KCND2: variants seen among roughly 807,000 people sequenced by gnomAD.
The protein encoded by KCND2 is A-type voltage-gated potassium channel KCND2.
Under a neutral mutation model 54.4 loss-of-function variants are expected in KCND2, and 16 were observed. The ratio of observed to expected loss-of-function variants is 0.29; its 90% CI spans 0.20 to 0.45. The LOEUF is 0.45. KCND2 is among the 20% of genes least tolerant of loss of function. The pLI is 1.00. For synonymous variants in KCND2, 317 were observed against 310.7 expected, an observed-to-expected ratio of 1.02 and a Z score of -0.21; for missense variants, 486 against 824.2, an observed-to-expected ratio of 0.59 and a Z score of 5.02.
chr7:120,472,831 G>A (rs1802478525), intron 1 of KCND2, among the ~76,000 whole-genome samples: 1 of 152,178 alleles, frequency 6.6e-6, no homozygotes, highest in South Asian at 2.1e-4. Context: ...AAGACATATA[G>A]GAACGGCTCC....
In KCND2 at chr7:120,686,955, A is replaced by C. The variant is rs530068335; in HGVS notation, c.1116-45948A>C. 2.0e-5 allele frequency among the ~76,000 whole-genome samples: 3 copies of C among 152,220 alleles called. No homozygotes were observed. In the South Asian group the frequency reaches 6.2e-4, roughly 32 times the overall value. On this transcript the variant is annotated intron_variant, in intron 1 of 5. Coordinates refer to ENST00000331113, the MANE Select transcript of KCND2 (RefSeq NM_012281.3). ...TTGGCACCGGTTGTGAACAATTATT[A>C]TTTTAGAGAGATAGCATAACAACCA...
chr7:120,302,807 A>G (rs893252598), intron 1 of KCND2, among the ~76,000 whole-genome samples: 1 of 152,172 alleles, frequency 6.6e-6, no homozygotes, highest in Non-Finnish European at 1.5e-5. Flanking sequence ...ACCTGTACCT[A>G]TCTTAGGACC....
At chr7:120,719,506 C>A (rs1308148603) in intron 1 of KCND2, among the ~76,000 whole-genome samples, 2 of 152,136 alleles carry the variant, frequency 1.3e-5, no homozygotes, top group Non-Finnish European at 2.9e-5. Context: ...TCACTATGTT[C>A]TTTCTTGTTT....
At chr7:120,743,985 C>T (rs190857657) in intron 4 of KCND2, among the ~76,000 whole-genome samples, 5 of 152,258 alleles carry the variant, frequency 3.3e-5, no homozygotes, top group East Asian at 1.9e-4. Context: ...GTTGGCCAGG[C>T]GCAGTGGCTC....
intron 1 of KCND2, among the ~76,000 whole-genome samples, chr7:120,310,895 C>T (rs1799726807): frequency 6.8e-6 from 1 of 146,606 alleles, no homozygotes; most frequent in Non-Finnish European, 1.5e-5. Context: ...GAGATTGCCC[C>T]ACTGCACTCC....
chr7:120,302,521 T>A (rs1356910597), intron 1 of KCND2, among the ~76,000 whole-genome samples: 2 of 152,216 alleles, frequency 1.3e-5, no homozygotes, highest in Non-Finnish European at 2.9e-5. Context: ...TCCTCCTGCC[T>A]TGGCCTCCCA....
chr7:120,511,706 A>G (rs376351669), intron 1 of KCND2, among the ~76,000 whole-genome samples: 16 of 152,228 alleles, frequency 1.1e-4, no homozygotes, highest in African/African-American at 3.6e-4. Context: ...TCTTTTTGAT[A>G]TTGTTTTCTT....
intron 1 of KCND2, among the ~76,000 whole-genome samples, chr7:120,333,735 T>G (rs1250826136): frequency 1.3e-5 from 2 of 152,104 alleles, no homozygotes; most frequent in Non-Finnish European, 2.9e-5. Flanking sequence ...GCTAGCCACT[T>G]CCATTCATAG....
chr7:120,739,386 T>G (rs1792912360), intron 2 of KCND2, among the ~76,000 whole-genome samples: 1 of 151,996 alleles, frequency 6.6e-6, no homozygotes, highest in South Asian at 2.1e-4. Flanking sequence ...TCTGAGTTGT[T>G]TCCAAATGTC....
intron 1 of KCND2, among the ~76,000 whole-genome samples, chr7:120,284,976 A>C (rs574870457): frequency 1.3e-5 from 2 of 152,292 alleles, no homozygotes; most frequent in East Asian, 3.9e-4. Context: ...TGTAATTTTT[A>C]ATGAGAGACT....
intron 1 of KCND2, among the ~76,000 whole-genome samples, chr7:120,533,973 T>TCCA (rs1209991433): frequency 6.6e-6 from 1 of 152,156 alleles, no homozygotes; most frequent in Non-Finnish European, 1.5e-5. Flanking sequence ...CACTATGTCA[T>TCCA]CCACAACTGA....
At chr7:120,642,966 A>G (rs1584866689) in intron 1 of KCND2, among the ~76,000 whole-genome samples, 1 of 152,220 alleles carries the variant, frequency 6.6e-6, no homozygotes, top group Admixed American at 6.5e-5. Context: ...TATGGAAAGA[A>G]CTTCCATTGT....
intron 1 of KCND2, among the ~76,000 whole-genome samples, chr7:120,362,817 C>G: frequency 6.6e-6 from 1 of 152,136 alleles, no homozygotes; most frequent in East Asian, 1.9e-4. Flanking sequence ...TTATCTTTGG[C>G]AATTTTTCAA....
intron 1 of KCND2, among the ~76,000 whole-genome samples, chr7:120,591,799 G>T (rs760780652): frequency 6.6e-6 from 1 of 152,166 alleles, no homozygotes; most frequent in Non-Finnish European, 1.5e-5. Context: ...AAGTAAAAGT[G>T]TGGTACTTGC....
chr7:120,515,988 T>A (rs1007128352), intron 1 of KCND2, among the ~76,000 whole-genome samples: 1 of 152,110 alleles, frequency 6.6e-6, no homozygotes, highest in Non-Finnish European at 1.5e-5. Flanking sequence ...ATTTTAATTA[T>A]ACCTCTTCTC....
intron 1 of KCND2, among the ~76,000 whole-genome samples, chr7:120,294,800 A>G (rs1416410456): frequency 6.6e-6 from 1 of 151,926 alleles, no homozygotes; most frequent in African/African-American, 2.4e-5. Context: ...ATCTATCTAT[A>G]TAAAGATATG....
At chr7:120,508,872 T>C (rs1450671834) in intron 1 of KCND2, among the ~76,000 whole-genome samples, 2 of 150,024 alleles carry the variant, frequency 1.3e-5, no homozygotes, top group African/African-American at 5.0e-5. Context: ...CACTTTTAGA[T>C]TGGAAGTTGC....
chr7:120,537,009 G>A (rs1791920396), intron 1 of KCND2, among the ~76,000 whole-genome samples: 1 of 152,094 alleles, frequency 6.6e-6, no homozygotes, highest in Non-Finnish European at 1.5e-5. Flanking sequence ...CATTTAGAAT[G>A]GTGAATACTT....
intron 1 of KCND2, among the ~76,000 whole-genome samples, chr7:120,499,400 G>A (rs188823950): frequency 3.3e-5 from 5 of 151,454 alleles, no homozygotes; most frequent in African/African-American, 4.8e-5. Flanking sequence ...AGAAAACCAC[G>A]TATTTTTTTC....
Sources: gnomAD v4.1 joint callset for allele counts (sites outside exome capture counted in the v4.1 genomes callset) on GRCh38, gnomAD v4.1.1 for gene constraint, MANE v1.5 for transcripts, NCBI Gene and HGNC (gene_info 2026-07-23, HGNC 2026-07-21) for gene names.